KCNT1: variants seen among roughly 807,000 people sequenced by gnomAD.
KCNT1 encodes potassium channel subfamily T member 1.
KCNT1 carries 78 observed loss-of-function variants against 147.8 expected under a neutral mutation model. The ratio of observed to expected loss-of-function variants is 0.53; its 90% CI spans 0.44 to 0.64. The LOEUF (loss-of-function observed/expected upper bound fraction) is 0.64, where lower values mean the gene tolerates loss of function less well. Ranked by LOEUF, KCNT1 falls within the 30% of genes least tolerant of loss-of-function variation. KCNT1 has a pLI of 0.00. For synonymous variants in KCNT1, 867 were observed against 748.8 expected (o/e 1.16, Z -2.58); for missense variants, 1,419 against 1,750.3 (o/e 0.81, Z 3.38).
chr9:135,788,278 C>A, intron 29 of KCNT1: 1 of 876,660 alleles, frequency 1.1e-6, no homozygotes, highest in Non-Finnish European at 1.9e-6. Flanking sequence ...TGTGAGAGCA[C>A]GTCCCAGGTG....
chr9:135,764,113 C>T (rs1425489056), intron 11 of KCNT1, among the ~76,000 whole-genome samples: 2 of 152,162 alleles, frequency 1.3e-5, no homozygotes, highest in South Asian at 4.1e-4. Context: ...GATAGCACAT[C>T]AGCCATGCAG....
Position 135,784,603 on chromosome 9 carries a change from G to A in KCNT1, c.3012G>A (p.Ser1004=), listed in dbSNP as rs751965012. 45 of 1,608,698 alleles carry A rather than the reference G, an allele frequency of 2.8e-5. No homozygotes were observed. The highest frequency in any genetic ancestry group is 1.9e-4 in the Middle Eastern group (1 of 5,358). The change falls in exon 26 of 31, where the codon TCG becomes TCA. Residue 1004 remains serine, a synonymous_variant. Transcript: ENST00000371757. ...LLLGLDTTPG[S]GYLCAMKITE... ...TGGGCCTGGACACCACGCCGGGCTC[G>A]GGGTACCTCTGTGCCGTAAGTGCCC...
intron 2 of KCNT1, among the ~76,000 whole-genome samples, chr9:135,715,621 C>A (rs35894282): frequency 0.017 from 2,427 of 139,916 alleles, 88 homozygotes; most frequent in East Asian, 0.14. Context: ...GCAGTTATTC[C>A]GGTTAGCACA....
chr9:135,784,782 CT>C lies in KCNT1; in HGVS notation c.3050del (p.Leu1017ArgfsTer48), dbSNP rs1335054863. ...LCAMKITEGD[L>X]WIRTYGRLFQ... is the part of the protein sequence containing the mutation. ...GCAGATGAAAATCACCGAGGGCGAC[CT>C]GTGGATCCGCACGTACGGCCGCCTC... On this transcript the variant is annotated frameshift_variant, in exon 27 of 31. Coordinates refer to ENST00000371757, the MANE Select transcript of KCNT1 (RefSeq NM_020822.3). LOFTEE classifies it high-confidence loss of function. 1 of 1,612,634 alleles carries C rather than the reference CT, an allele frequency of 6.2e-7. No individual in the cohort carries two copies. Among genetic ancestry groups the C allele is most frequent in the African/African-American group, 1.3e-5 (1 of 74,904 alleles).
chr9:135,747,763 C>T (rs1042805519), intron 2 of KCNT1, among the ~76,000 whole-genome samples: 4 of 152,038 alleles, frequency 2.6e-5, no homozygotes, highest in African/African-American at 7.2e-5. Context: ...CTGGTTCAGA[C>T]GCCACTGGTC....
At chr9:135,778,965 C>T (rs1214359645) in intron 23 of KCNT1, 143 bp downstream of exon 23, 8 of 1,034,274 alleles carry the variant, frequency 7.7e-6, no homozygotes, top group African/African-American at 1.7e-5. Context: ...GCCCTGAGAC[C>T]GCCACAGCCA....
At chr9:135,745,605 G>A (rs1830789010) in intron 2 of KCNT1, among the ~76,000 whole-genome samples, 1 of 152,242 alleles carries the variant, frequency 6.6e-6, no homozygotes. Flanking sequence ...GTCGTCCCAA[G>A]AGAAGCCTGG....
At chr9:135,715,658 A>G (rs1023788278) in intron 2 of KCNT1, among the ~76,000 whole-genome samples, 10 of 152,256 alleles carry the variant, frequency 6.6e-5, no homozygotes, top group African/African-American at 2.4e-4. Flanking sequence ...GAAAATGGTC[A>G]GGACACAAAC....
chr9:135,712,369 T>A (rs554955441), intron 1 of KCNT1, among the ~76,000 whole-genome samples: 3 of 152,326 alleles, frequency 2.0e-5, no homozygotes, highest in African/African-American at 7.2e-5. Flanking sequence ...ATCATGGATG[T>A]GGCCTTGGGG....
At chr9:135,702,544 TG>T (rs1302421148) in intron 1 of KCNT1, among the ~76,000 whole-genome samples, 176 bp downstream of exon 1, 4 of 152,036 alleles carry the variant, frequency 2.6e-5, no homozygotes, top group African/African-American at 9.7e-5. Flanking sequence ...CCCCTCAGGG[TG>T]GGCCGCACTA....
chr9:135,736,360 T>TC (rs1274451427), intron 2 of KCNT1, among the ~76,000 whole-genome samples: 1 of 151,688 alleles, frequency 6.6e-6, no homozygotes, highest in African/African-American at 2.4e-5. Context: ...GCTCCTCCCC[T>TC]CCCCCCGTGC....
At chr9:135,709,882 T>C (rs1466504814) in intron 1 of KCNT1, among the ~76,000 whole-genome samples, 2 of 152,196 alleles carry the variant, frequency 1.3e-5, no homozygotes, top group Non-Finnish European at 2.9e-5. Context: ...GGTTTCACCA[T>C]GTTAGCCAGG....
chr9:135,774,458 T>G (rs1372477287), intron 19 of KCNT1, among the ~76,000 whole-genome samples: 2 of 148,726 alleles, frequency 1.3e-5, no homozygotes, highest in Non-Finnish European at 3.0e-5. Flanking sequence ...TGTCTGTGTG[T>G]TGTGTGTCCG....
Position 135,777,647 on chromosome 9 carries a change from T to C in KCNT1, c.2522+137T>C. 3.7e-6 allele frequency: 3 copies of C among 814,862 alleles called. No homozygotes were observed. In the Admixed American group the frequency reaches 8.5e-5, roughly 23 times the overall value. 50.5% of individuals were successfully genotyped at this position (814,862 alleles called of 1,614,324 possible). A position where few individuals can be genotyped will look rare whatever the true frequency, so the allele number is the denominator to read the frequency against. On this transcript the variant is annotated intron_variant, in intron 21 of 30. Transcript: ENST00000371757. ...GGGCCTCTGGCCTGGTCCTCTCAGC[T>C]TTCCTAAAAAGGGGGACTCTCCTTC... is the stretch of plus-strand genomic sequence containing the variant.
Position 135,777,406 on chromosome 9 carries a change from G to A in KCNT1, c.2418G>A (p.Ser806=), listed in dbSNP as rs142726010. 5.4e-5 allele frequency: 87 copies of A among 1,613,928 alleles called. No homozygotes were observed. The African/African-American group carries it at 8.4e-4, about 16-fold the overall frequency. The change falls in exon 21 of 31, where the codon TCG becomes TCA. Residue 806 remains serine (S), a synonymous_variant. Transcript: ENST00000371757. ...YGFKNKLIIV[S]AETAGNGLYN... is the part of the protein sequence containing the mutation. ...TCAAGAACAAGCTGATCATCGTCTC[G>A]GCAGAGACGGCCGGCAATGGGCTGT...
intron 2 of KCNT1, among the ~76,000 whole-genome samples, chr9:135,725,571 CAG>C (rs940410762): frequency 1.9e-4 from 29 of 152,304 alleles, no homozygotes; most frequent in Middle Eastern, 3.4e-3. Flanking sequence ...GTCTCCAGAA[CAG>C]AGAGAAGAGA....
intron 29 of KCNT1, chr9:135,788,280 T>G (rs1834225265): frequency 3.5e-6 from 3 of 856,578 alleles, no homozygotes; most frequent in Non-Finnish European, 5.9e-6. Context: ...TGAGAGCACG[T>G]CCCAGGTGTC....
chr9:135,718,238 AC>A (rs1478245106), intron 2 of KCNT1, among the ~76,000 whole-genome samples: 5 of 151,602 alleles, frequency 3.3e-5, no homozygotes, highest in Non-Finnish European at 5.9e-5. Flanking sequence ...GCCTGGTGGG[AC>A]CCCCTTCCTG....
rs377142622 is a variant in KCNT1 at position 135,726,214 on chromosome 9, G to A, written c.254+11494G>A. ...TGGGCTGGGGCAGGGGCAGCTGAGGGCCTGCGGTGGATGCTCCCAGCCCCT... is the reference window on the plus strand; with the variant it reads ...TGGGCTGGGGCAGGGGCAGCTGAGGACCTGCGGTGGATGCTCCCAGCCCCT... On this transcript the variant is annotated intron_variant, in intron 2 of 30. Coordinates refer to ENST00000371757, the MANE Select transcript of KCNT1 (RefSeq NM_020822.3). Among the ~76,000 whole-genome samples, 9 of 152,232 alleles carry A rather than the reference G, an allele frequency of 5.9e-5. No homozygotes were observed. In the East Asian group the frequency reaches 1.5e-3, roughly 26 times the overall value.
Sources: gnomAD v4.1 joint callset for allele counts (sites outside exome capture counted in the v4.1 genomes callset) on GRCh38, gnomAD v4.1.1 for gene constraint, MANE v1.5 for transcripts, NCBI Gene and HGNC (gene_info 2026-07-23, HGNC 2026-07-21) for gene names.